TSPAN9: variants seen among roughly 807,000 people sequenced by gnomAD.
TSPAN9 encodes tetraspanin 9, also known as tetraspanin-9.
TSPAN9 carries 16 observed loss-of-function variants against 31.0 expected under a neutral mutation model. The observed-to-expected ratio is 0.52, with a 90% CI of 0.35 to 0.78. The LOEUF (loss-of-function observed/expected upper bound fraction) is 0.78. TSPAN9 is among the 30% of genes least tolerant of loss of function. The probability of loss-of-function intolerance (pLI) is 0.01; values close to 1 mark genes in which losing one functional copy is unlikely to be tolerated. For synonymous variants in TSPAN9, 145 were observed against 121.6 expected (o/e 1.19, Z -1.27); for missense variants, 272 against 312.5 (o/e 0.87, Z 0.98).
chr12:3,115,687 A>G (rs969248066), intron 2 of TSPAN9, among the ~76,000 whole-genome samples: 2 of 152,114 alleles, frequency 1.3e-5, no homozygotes, highest in East Asian at 1.9e-4. Context: ...TTAGGGCACA[A>G]TCCCATTCCT....
chr12:3,096,433 C>CTTTTTTTTTTTTTTTTTTTTTTTT (rs1302577208), intron 2 of TSPAN9, among the ~76,000 whole-genome samples: 2 of 152,238 alleles, frequency 1.3e-5, no homozygotes, highest in East Asian at 1.9e-4. Flanking sequence ...TGCATTGTCT[C>CTTTTTTTTTTTTTTTTTTTTTTTT]TTTATTCCTT....
chr12:3,274,016 TGGGTGCC>T (rs1862734731), intron 3 of TSPAN9, among the ~76,000 whole-genome samples: 2 of 151,642 alleles, frequency 1.3e-5, no homozygotes, highest in South Asian at 4.2e-4. Flanking sequence ...AGCCCAAGGG[TGGGTGCC>T]TGGCGTGGGG....
chr12:3,207,150 T>C (rs999471969), intron 3 of TSPAN9, among the ~76,000 whole-genome samples: 1 of 152,062 alleles, frequency 6.6e-6, no homozygotes, highest in Non-Finnish European at 1.5e-5. Flanking sequence ...TGCCTGGGGA[T>C]GCTGGCTTTC....
chr12:3,272,767 G>A (rs981646080), intron 3 of TSPAN9: 3 of 152,294 alleles, frequency 2.0e-5, no homozygotes, highest in East Asian at 1.9e-4. Flanking sequence ...AGAAGCTCAG[G>A]ACGGGGAAGC....
At chr12:3,094,863 T>G (rs2878393) in intron 2 of TSPAN9, among the ~76,000 whole-genome samples, 5 of 96,348 alleles carry the variant, frequency 5.2e-5, no homozygotes, top group Non-Finnish European at 1.4e-4. Flanking sequence ...TTTTTTTTTT[T>G]TTTTTTGTTT....
At chr12:3,207,663 C>G (rs1289595984) in intron 3 of TSPAN9, among the ~76,000 whole-genome samples, 12 of 152,148 alleles carry the variant, frequency 7.9e-5, no homozygotes, top group Non-Finnish European at 1.8e-4. Flanking sequence ...CTTTGAGGCT[C>G]CCGGGAGAAC....
intron 2 of TSPAN9, among the ~76,000 whole-genome samples, chr12:3,186,039 G>T (rs1162796891): frequency 6.6e-6 from 1 of 152,164 alleles, no homozygotes; most frequent in Non-Finnish European, 1.5e-5. Context: ...TAAATGAAGT[G>T]CGAAGGTGGG....
chr12:3,267,326 AC>A (rs1174109991), intron 3 of TSPAN9, among the ~76,000 whole-genome samples: 1 of 152,070 alleles, frequency 6.6e-6, no homozygotes, highest in South Asian at 2.1e-4. Flanking sequence ...GGCAGGCGGA[AC>A]CCTGTTCATC....
At chr12:3,112,969 C>T (rs989062416) in intron 2 of TSPAN9, among the ~76,000 whole-genome samples, 30 of 152,268 alleles carry the variant, frequency 2.0e-4, no homozygotes, top group African/African-American at 6.7e-4. Context: ...TATAGGAATA[C>T]ACCATTGTGC....
intron 3 of TSPAN9, among the ~76,000 whole-genome samples, chr12:3,226,763 TATATATATATATATATATATATATA>T (rs1184543059): frequency 0.11 from 253 of 2,292 alleles, 68 homozygotes; most frequent in Non-Finnish European, 0.18. Context: ...TATATATATA[TATATATATATATATATATATATATA>T]TATATATTTT....
chr12:3,134,963 T>C (rs1407137658), intron 2 of TSPAN9, among the ~76,000 whole-genome samples: 1 of 152,082 alleles, frequency 6.6e-6, no homozygotes, highest in African/African-American at 2.4e-5. Context: ...GCTGGCTAGC[T>C]GTGGAGGACA....
chr12:3,117,804 G>A (rs1364098830), intron 2 of TSPAN9, among the ~76,000 whole-genome samples: 1 of 152,178 alleles, frequency 6.6e-6, no homozygotes, highest in Non-Finnish European at 1.5e-5. Flanking sequence ...GCCTGATTTA[G>A]GGGGTTGGAG....
intron 3 of TSPAN9, among the ~76,000 whole-genome samples, chr12:3,230,203 G>A (rs545793673): frequency 2.1e-4 from 32 of 152,298 alleles, no homozygotes; most frequent in African/African-American, 7.7e-4. Context: ...GACTCTGGGT[G>A]GAGATGCTTG....
intron 2 of TSPAN9, among the ~76,000 whole-genome samples, chr12:3,177,959 C>T (rs985848229): frequency 6.6e-6 from 1 of 152,164 alleles, no homozygotes; most frequent in Non-Finnish European, 1.5e-5. Context: ...TCTTGCCCGC[C>T]GATGGGTCTC....
intron 3 of TSPAN9, among the ~76,000 whole-genome samples, chr12:3,222,866 A>T (rs9919824): frequency 1 from 151,773 of 152,292 alleles, 75,629 homozygotes; most frequent in East Asian, 1. Context: ...TGATCCTCAC[A>T]GCAGGTTTGT....
chr12:3,198,611 G>C (rs372288891), intron 2 of TSPAN9, among the ~76,000 whole-genome samples: 12 of 82,968 alleles, frequency 1.4e-4, no homozygotes, highest in African/African-American at 3.5e-4. Flanking sequence ...ACCAGCACAG[G>C]TCACCACCAG....
chr12:3,106,771 G>GACAAAACAAA (rs199995207), intron 2 of TSPAN9, among the ~76,000 whole-genome samples: 3 of 151,876 alleles, frequency 2.0e-5, no homozygotes, highest in African/African-American at 7.3e-5. Flanking sequence ...ACCCTGTCTC[G>GACAAAACAAA]ACAAAACAAA....
intron 2 of TSPAN9, among the ~76,000 whole-genome samples, chr12:3,134,797 G>A (rs1352100609): frequency 6.6e-6 from 1 of 152,208 alleles, no homozygotes; most frequent in African/African-American, 2.4e-5. Context: ...AGCTCTGCTG[G>A]GGAAGGTGGA....
At chr12:3,135,561 G>T (rs1022845015) in intron 2 of TSPAN9, among the ~76,000 whole-genome samples, 4 of 152,152 alleles carry the variant, frequency 2.6e-5, no homozygotes, top group Admixed American at 2.0e-4. Context: ...CCTGGTCCAG[G>T]CCTGCAGGGT....
Sources: allele counts gnomAD v4.1 joint callset (sites outside exome capture counted in the v4.1 genomes callset), GRCh38; gene constraint gnomAD v4.1.1; transcripts MANE v1.5; gene names NCBI Gene and HGNC (gene_info 2026-07-23, HGNC 2026-07-21).